The following GRB10 variants were observed in gnomAD, a reference collection of about 807,000 sequenced individuals.
The protein encoded by GRB10 is growth factor receptor-bound protein 10.
Under a neutral mutation model 80.9 loss-of-function variants are expected in GRB10, and 20 were observed. The ratio of observed to expected loss-of-function variants is 0.25; its 90% CI spans 0.17 to 0.36. The LOEUF is 0.36. Among genes scored for constraint, GRB10 ranks in the 10% least tolerant of loss-of-function variants. The pLI is 1.00. For synonymous variants in GRB10, 291 were observed against 291.5 expected (o/e 1.00, Z 0.02); for missense variants, 548 against 747.7 (o/e 0.73, Z 3.12).
chr7:50,691,647 T>C (rs2062828547), intron 5 of GRB10, among the ~76,000 whole-genome samples: 1 of 152,222 alleles, frequency 6.6e-6, no homozygotes, highest in African/African-American at 2.4e-5. Flanking sequence ...ATTAATGACA[T>C]GTACAAATGC....
At chr7:50,718,893 G>A (rs1681976465) in intron 4 of GRB10, among the ~76,000 whole-genome samples, 2 of 152,080 alleles carry the variant, frequency 1.3e-5, no homozygotes, top group South Asian at 4.2e-4. Flanking sequence ...ACACAGTCAT[G>A]GATAACCAAT....
upstream of GRB10, among the ~76,000 whole-genome samples, chr7:50,787,711 G>A (rs138865692): frequency 1.7e-3 from 252 of 152,270 alleles, no homozygotes; most frequent in African/African-American, 5.4e-3. Context: ...CTCCTGCGTC[G>A]CTCCATCACC....
At chr7:50,671,645 G>T (rs548596696) in intron 6 of GRB10, among the ~76,000 whole-genome samples, 1 of 152,208 alleles carries the variant, frequency 6.6e-6, no homozygotes, top group Non-Finnish European at 1.5e-5. Flanking sequence ...CAACTGAAAC[G>T]TCTGGCCATT....
intron 4 of GRB10, among the ~76,000 whole-genome samples, chr7:50,713,464 T>C (rs1269926535): frequency 1.4e-5 from 2 of 146,034 alleles, no homozygotes; most frequent in Non-Finnish European, 3.0e-5. Context: ...CATCATCACC[T>C]CCAGCACTTC....
intron 7 of GRB10, among the ~76,000 whole-genome samples, chr7:50,666,366 C>T (rs555927831): frequency 5.3e-5 from 8 of 152,296 alleles, no homozygotes; most frequent in South Asian, 2.1e-4. Flanking sequence ...TTGGAGGAAT[C>T]GCGTGCTGTT....
intron 4 of GRB10, among the ~76,000 whole-genome samples, chr7:50,710,020 T>C (rs753295195): frequency 1.2e-4 from 18 of 152,104 alleles, no homozygotes; most frequent in Non-Finnish European, 2.4e-4. Context: ...GCTCACTATG[T>C]AGAATGTTCT....
intron 3 of GRB10, among the ~76,000 whole-genome samples, chr7:50,743,149 G>C (rs922354040): frequency 1.3e-5 from 2 of 152,226 alleles, no homozygotes; most frequent in Non-Finnish European, 2.9e-5. Context: ...AGAAGGGACA[G>C]ATTCAAGAGC....
At chr7:50,622,028 C>T (rs894511063) in intron 8 of GRB10, among the ~76,000 whole-genome samples, 5 of 152,212 alleles carry the variant, frequency 3.3e-5, no homozygotes, top group African/African-American at 1.2e-4. Flanking sequence ...CCCACTGTCT[C>T]GGCCTCACAT....
chr7:50,614,347 TC>T (rs1198489563), intron 12 of GRB10, among the ~76,000 whole-genome samples: 1 of 152,196 alleles, frequency 6.6e-6, no homozygotes, highest in Non-Finnish European at 1.5e-5. Flanking sequence ...TTGTGTCTAT[TC>T]CTGTCTGACC....
rs923293136 is a variant in GRB10 at position 50,590,872 on chromosome 7, C to T, written c.*2080G>A. 3.3e-5 allele frequency: 5 copies of T among 152,182 alleles called. No homozygotes were observed. The highest frequency in any genetic ancestry group is 4.8e-5 in the African/African-American group (2 of 41,428). 9.4% of individuals were successfully genotyped at this position (152,182 alleles called of 1,614,324 possible). ...TGAATCAGAGTCAAGCTTTTGTTCT[C>T]CTTTTAAATAAACGCATATTTATAA... On this transcript the variant is annotated 3_prime_UTR_variant, in exon 19 of 19. Coordinates refer to ENST00000401949, the MANE Select transcript of GRB10 (RefSeq NM_001350814.2).
intron 5 of GRB10, among the ~76,000 whole-genome samples, 169 bp from the exon 6 acceptor site, chr7:50,674,827 T>C (rs896388090): frequency 6.6e-6 from 1 of 152,230 alleles, no homozygotes; most frequent in African/African-American, 2.4e-5. Flanking sequence ...GAAGCATGCA[T>C]ATTACATGTA....
chr7:50,685,371 C>G (rs930514289), intron 5 of GRB10, among the ~76,000 whole-genome samples: 1 of 152,170 alleles, frequency 6.6e-6, no homozygotes, highest in African/African-American at 2.4e-5. Context: ...ATAATTCCCT[C>G]CACAAAGAAG....
At chr7:50,692,042 CAG>C (rs1166094465) in intron 5 of GRB10, among the ~76,000 whole-genome samples, 5 of 152,162 alleles carry the variant, frequency 3.3e-5, no homozygotes, top group Non-Finnish European at 5.9e-5. Context: ...TTAAGAAAAA[CAG>C]AGTGTACTTG....
chr7:50,752,222 G>A (rs1326190786), intron 3 of GRB10, among the ~76,000 whole-genome samples: 2 of 151,976 alleles, frequency 1.3e-5, no homozygotes, highest in East Asian at 1.9e-4. Flanking sequence ...TATTAGGGGG[G>A]AAAAAATGAG....
intron 3 of GRB10, among the ~76,000 whole-genome samples, chr7:50,740,389 C>T (rs898301131): frequency 2.0e-5 from 3 of 152,290 alleles, no homozygotes; most frequent in Non-Finnish European, 2.9e-5. Flanking sequence ...CAGATAGTAA[C>T]AGGGACCCAA....
chr7:50,700,296 C>G (rs1053758271), intron 5 of GRB10, among the ~76,000 whole-genome samples: 1 of 152,124 alleles, frequency 6.6e-6, no homozygotes, highest in Non-Finnish European at 1.5e-5. Flanking sequence ...TTTGTTTTTA[C>G]ATTTTTGCAA....
upstream of GRB10, among the ~76,000 whole-genome samples, chr7:50,784,805 C>A (rs940437545): frequency 6.6e-6 from 1 of 152,170 alleles, no homozygotes; most frequent in Non-Finnish European, 1.5e-5. Flanking sequence ...GGAGATGAAG[C>A]CTGATGATAT....
intron 4 of GRB10, among the ~76,000 whole-genome samples, chr7:50,706,757 T>C (rs2065087600): frequency 6.6e-6 from 1 of 152,150 alleles, no homozygotes; most frequent in African/African-American, 2.4e-5. Flanking sequence ...CAGTAAAAAA[T>C]GTCCATGAAT....
chr7:50,604,488 C>T, intron 15 of GRB10, 111 bp from the exon 16 acceptor site: 1 of 894,072 alleles, frequency 1.1e-6, no homozygotes, highest in East Asian at 2.4e-5. Context: ...ACTGGGCTCA[C>T]AAGGGACCTT....
Sources: gnomAD v4.1 joint callset for allele counts (sites outside exome capture counted in the v4.1 genomes callset) on GRCh38, gnomAD v4.1.1 for gene constraint, MANE v1.5 for transcripts, NCBI Gene and HGNC (gene_info 2026-07-23, HGNC 2026-07-21) for gene names.